The following TYW1 variants were observed in gnomAD, a reference collection of about 807,000 sequenced individuals.
TYW1 encodes the protein S-adenosyl-L-methionine-dependent tRNA 4-demethylwyosine synthase TYW1.
TYW1 carries 46 observed loss-of-function variants against 96.2 expected under a neutral mutation model. That is an observed-to-expected ratio of 0.48 (90% confidence interval 0.38 to 0.61). The LOEUF (loss-of-function observed/expected upper bound fraction) is 0.61. Ranked by LOEUF, TYW1 falls within the 20% of genes least tolerant of loss-of-function variation. The pLI is 0.00. For missense variants in TYW1, 684 were observed against 909.6 expected, an observed-to-expected ratio of 0.75 and a Z score of 3.19; for synonymous variants, 274 against 323.0, an observed-to-expected ratio of 0.85 and a Z score of 1.63.
At chr7:67,108,472 C>T (rs1423892857) in intron 12 of TYW1, among the ~76,000 whole-genome samples, 22 of 144,398 alleles carry the variant, frequency 1.5e-4, no homozygotes, top group African/African-American at 5.5e-4. Flanking sequence ...GACAGGGTCT[C>T]ACCCTGTCAC....
intron 15 of TYW1, among the ~76,000 whole-genome samples, chr7:67,223,142 G>T (rs1801451608): frequency 6.6e-6 from 1 of 152,100 alleles, no homozygotes; most frequent in Non-Finnish European, 1.5e-5. Flanking sequence ...CTGTTTTAAA[G>T]TCTGTTTCTA....
At chr7:67,069,930 G>A (rs979748236) in intron 10 of TYW1, among the ~76,000 whole-genome samples, 2 of 152,206 alleles carry the variant, frequency 1.3e-5, no homozygotes, top group African/African-American at 4.8e-5. Flanking sequence ...TCTGTTAGCA[G>A]TGAACTCCCT....
chr7:67,102,867 T>A (rs1313729288), intron 12 of TYW1, among the ~76,000 whole-genome samples: 2 of 152,148 alleles, frequency 1.3e-5, no homozygotes, highest in Non-Finnish European at 2.9e-5. Flanking sequence ...AGCAGGATGG[T>A]CTCGATCTCC....
chr7:67,203,102 A>G (rs1800654232), intron 15 of TYW1, among the ~76,000 whole-genome samples: 2 of 152,208 alleles, frequency 1.3e-5, no homozygotes, highest in African/African-American at 4.8e-5. Flanking sequence ...ATCACCACAA[A>G]GATCTTTCTC....
At chr7:67,072,055 C>A (rs1479492677) in intron 10 of TYW1, among the ~76,000 whole-genome samples, 1 of 149,762 alleles carries the variant, frequency 6.7e-6, no homozygotes, top group Non-Finnish European at 1.5e-5. Context: ...TAGCATGTCT[C>A]CTGTCCAGTG....
At chr7:67,063,656 T>G (rs184856751) in intron 9 of TYW1, among the ~76,000 whole-genome samples, 5,929 of 151,328 alleles carry the variant, frequency 0.039, 176 homozygotes, top group Middle Eastern at 0.1. Flanking sequence ...CAGGCTGGAG[T>G]GTAGTGGCGC....
intron 15 of TYW1, among the ~76,000 whole-genome samples, chr7:67,222,114 T>C (rs1254738556): frequency 6.6e-6 from 1 of 152,064 alleles, no homozygotes; most frequent in East Asian, 1.9e-4. Context: ...CGAGAATTGC[T>C]TGAACCTGGG....
At position 67,219,699 on chromosome 7, in the gene TYW1, T is replaced by G. The variant is rs1584711350; in HGVS notation, c.1978-18609T>G. ...CATTGTTTATAGTACACTCTTACAG[T>G]TTTTTTTTTTAAATGCAGAATTGGT... On this transcript the variant is annotated intron_variant, in intron 15 of 15. Transcript: ENST00000359626. Among the ~76,000 whole-genome samples the G allele has an allele frequency of 5.1e-5, 4 of 79,050 alleles. No individual in the cohort carries two copies. The South Asian group carries it at 1.7e-3, about 34-fold the overall frequency. The allele number at this position is 79,050 out of a possible 152,430, so 51.9% of individuals were successfully genotyped here.
At chr7:67,089,367 G>A (rs1280571879) in intron 11 of TYW1, 24 of 1,228,286 alleles carry the variant, frequency 2.0e-5, no homozygotes, top group Non-Finnish European at 2.6e-5. Flanking sequence ...CAAGGCTTAG[G>A]TATCCAGTGC....
rs7778191 is a variant in TYW1, at chr7:67,052,963, G to C, written c.1103-2872G>C. On this transcript the variant is annotated intron_variant, in intron 8 of 15. Coordinates refer to ENST00000359626, the MANE Select transcript of TYW1 (RefSeq NM_018264.4). ...TTACCGTGTTAGCCAGGATGGTCTC[G>C]ATCTCCTGACCTCCTGATCTGCCCA... Among the ~76,000 whole-genome samples, 4 of 151,804 alleles carry C rather than the reference G, an allele frequency of 2.6e-5. No individual in the cohort carries two copies. In the East Asian group the frequency reaches 7.8e-4, roughly 29 times the overall value.
intron 10 of TYW1, among the ~76,000 whole-genome samples, chr7:67,071,130 C>CAAA (rs558946326): frequency 2.1e-5 from 3 of 143,292 alleles, no homozygotes. Flanking sequence ...GACTCCGTCT[C>CAAA]AAAAAAAAAA....
At chr7:67,120,582 C>T (rs370202737) in intron 13 of TYW1, among the ~76,000 whole-genome samples, 5 of 152,094 alleles carry the variant, frequency 3.3e-5, no homozygotes, top group African/African-American at 4.8e-5. Context: ...AGTTTCTAAG[C>T]GGTCTTGGAT....
At chr7:67,235,917 G>C (rs1234793000) in intron 15 of TYW1, among the ~76,000 whole-genome samples, 1 of 126,060 alleles carries the variant, frequency 7.9e-6, no homozygotes, top group South Asian at 2.7e-4. Flanking sequence ...AAAAGAAAAA[G>C]AGGTGAGGAA....
intron 7 of TYW1, among the ~76,000 whole-genome samples, chr7:67,029,751 A>G (rs1199288802): frequency 1.3e-5 from 2 of 152,028 alleles, no homozygotes; most frequent in African/African-American, 4.8e-5. Context: ...TCCAGACTGA[A>G]GTGCAGTGGT....
At chr7:67,045,534 T>TA (rs1249828851) in intron 7 of TYW1, among the ~76,000 whole-genome samples, 1 of 152,260 alleles carries the variant, frequency 6.6e-6, no homozygotes, top group Non-Finnish European at 1.5e-5. Context: ...GTATGATATT[T>TA]AAAACAAAAA....
At chr7:67,237,094 C>T (rs1801912224) in intron 15 of TYW1, among the ~76,000 whole-genome samples, 1 of 152,180 alleles carries the variant, frequency 6.6e-6, no homozygotes, top group Non-Finnish European at 1.5e-5. Flanking sequence ...CCATGTTGGC[C>T]AAGCTAGTCT....
chr7:67,156,426 C>T (rs1415689462), intron 13 of TYW1, among the ~76,000 whole-genome samples: 2 of 152,238 alleles, frequency 1.3e-5, no homozygotes, highest in Non-Finnish European at 2.9e-5. Context: ...TTCAGGGCAC[C>T]TGAAGGTGTG....
chr7:67,044,652 G>A (rs779344838), intron 7 of TYW1, among the ~76,000 whole-genome samples: 17 of 152,062 alleles, frequency 1.1e-4, no homozygotes, highest in Non-Finnish European at 2.4e-4. Flanking sequence ...TTGAGACAGA[G>A]TCTGTTGCCC....
chr7:67,040,984 A>G (rs2129255874), intron 7 of TYW1, among the ~76,000 whole-genome samples: 1 of 152,326 alleles, frequency 6.6e-6, no homozygotes, highest in Non-Finnish European at 1.5e-5. Flanking sequence ...TGAAGATTTC[A>G]GACATCCATG....
Sources: gnomAD v4.1 joint callset for allele counts (sites outside exome capture counted in the v4.1 genomes callset) on GRCh38, gnomAD v4.1.1 for gene constraint, MANE v1.5 for transcripts, NCBI Gene and HGNC (gene_info 2026-07-23, HGNC 2026-07-21) for gene names.